CBL: variants seen among roughly 807,000 people sequenced by gnomAD.
The protein encoded by CBL is Cbl proto-oncogene.
A neutral mutation model predicts 96.9 loss-of-function variants in CBL; 45 were observed. The observed-to-expected ratio is 0.46, with a 90% CI of 0.37 to 0.60. The LOEUF (loss-of-function observed/expected upper bound fraction) is 0.60. CBL is among the 20% of genes least tolerant of loss of function. The probability of loss-of-function intolerance (pLI) is 0.00; values close to 1 mark genes in which losing one functional copy is unlikely to be tolerated. For synonymous variants in CBL, 420 were observed against 426.8 expected, an observed-to-expected ratio of 0.98 and a Z score of 0.20; for missense variants, 1,024 against 1,143.5, an observed-to-expected ratio of 0.90 and a Z score of 1.51.
intron 3 of CBL, among the ~76,000 whole-genome samples, chr11:119,273,012 C>G (rs1291710180): frequency 1.3e-5 from 2 of 149,072 alleles, no homozygotes; most frequent in African/African-American, 5.0e-5. Context: ...GGATGTCACT[C>G]TCTTGCCTAG....
chr11:119,221,761 C>T (rs577120355), intron 1 of CBL, among the ~76,000 whole-genome samples: 136 of 146,212 alleles, frequency 9.3e-4, no homozygotes, highest in Non-Finnish European at 1.6e-3. Flanking sequence ...AGAGAGACTC[C>T]GTCTCAAAAA....
intron 12 of CBL, 71 bp from the exon 13 acceptor site, chr11:119,296,847 C>T (rs1345154631): frequency 1.0e-5 from 8 of 785,342 alleles, no homozygotes; most frequent in Non-Finnish European, 1.8e-5. Context: ...TGTTTTTAAG[C>T]CATTTATTTT....
chr11:119,249,488 G>A (rs980630086), intron 2 of CBL, among the ~76,000 whole-genome samples: 2 of 151,282 alleles, frequency 1.3e-5, no homozygotes, highest in Non-Finnish European at 2.9e-5. Flanking sequence ...CCAGGAAGCA[G>A]GGTTCGCAGT....
intron 12 of CBL, among the ~76,000 whole-genome samples, chr11:119,288,257 GT>G (rs1949999642): frequency 6.6e-6 from 1 of 152,106 alleles, no homozygotes; most frequent in African/African-American, 2.4e-5. Flanking sequence ...TTAATTTGCT[GT>G]TTTCCTAGCT....
intron 8 of CBL, 75 bp downstream of exon 8, chr11:119,278,372 A>T (rs1949906258): frequency 1.6e-5 from 25 of 1,572,058 alleles, no homozygotes; most frequent in Non-Finnish European, 2.2e-5. Flanking sequence ...GCCTTTACTG[A>T]TACAAGGGGT....
chr11:119,251,938 C>T (rs937037124), intron 2 of CBL, among the ~76,000 whole-genome samples: 1 of 152,178 alleles, frequency 6.6e-6, no homozygotes, highest in Non-Finnish European at 1.5e-5. Flanking sequence ...GCTACAAGAA[C>T]GTCTTTCCTG....
chr11:119,256,612 A>C (rs1470046411), intron 2 of CBL, among the ~76,000 whole-genome samples: 1 of 151,604 alleles, frequency 6.6e-6, no homozygotes, highest in African/African-American at 2.4e-5. Flanking sequence ...TATATGAATG[A>C]ATTATATAGT....
chr11:119,232,872 ACT>A (rs1157388610), intron 2 of CBL, among the ~76,000 whole-genome samples, 177 bp downstream of exon 2: 4 of 152,156 alleles, frequency 2.6e-5, no homozygotes, highest in Admixed American at 6.5e-5. Context: ...ACTATCCCTA[ACT>A]CTGATTGATT....
At chr11:119,223,414 T>C (rs1332750418) in intron 1 of CBL, among the ~76,000 whole-genome samples, 2 of 150,600 alleles carry the variant, frequency 1.3e-5, no homozygotes, top group East Asian at 3.9e-4. Flanking sequence ...TATGTTATGT[T>C]ATGTTATGTT....
At chr11:119,268,881 A>G (rs952054214) in intron 2 of CBL, among the ~76,000 whole-genome samples, 1 of 152,208 alleles carries the variant, frequency 6.6e-6, no homozygotes, top group Admixed American at 6.5e-5. Flanking sequence ...GATTTTTTCT[A>G]TCATCTCATT....
rs1479433361 is a variant in CBL, at chr11:119,300,474, A to G, written c.*693A>G. The G allele has an allele frequency of 5.0e-6, 2 of 402,360 alleles. No homozygotes were observed. The highest frequency in any genetic ancestry group is 8.8e-6 in the Non-Finnish European group (2 of 228,200). 24.9% of individuals were successfully genotyped at this position (402,360 alleles called of 1,614,324 possible). A position where few individuals can be genotyped will look rare whatever the true frequency, so the allele number is the denominator to read the frequency against. On this transcript the variant is annotated 3_prime_UTR_variant, in exon 16 of 16. Coordinates refer to ENST00000264033, the MANE Select transcript of CBL (RefSeq NM_005188.4). The stretch of plus-strand genomic sequence containing the variant: ...GCTATGGCCAGCCTTACTGAGGCCA[A>G]GCAGCTTATGGGATGTTCTTTATTG...
intron 2 of CBL, among the ~76,000 whole-genome samples, chr11:119,262,227 G>A (rs139755432): frequency 7.2e-4 from 109 of 152,236 alleles, no homozygotes; most frequent in African/African-American, 2.4e-3. Flanking sequence ...CTTGAACAGC[G>A]CTCAGAACTG....
At chr11:119,272,295 G>A (rs775623248) in intron 3 of CBL, among the ~76,000 whole-genome samples, 1 of 152,112 alleles carries the variant, frequency 6.6e-6, no homozygotes, top group Non-Finnish European at 1.5e-5. Context: ...CTAATTTTTT[G>A]CATTTTTAAT....
At chr11:119,249,296 C>T (rs771978884) in intron 2 of CBL, among the ~76,000 whole-genome samples, 15 of 152,152 alleles carry the variant, frequency 9.9e-5, no homozygotes, top group Non-Finnish European at 1.8e-4. Flanking sequence ...AGGTTCATGC[C>T]TGTAATCCCA....
intron 5 of CBL, among the ~76,000 whole-genome samples, chr11:119,275,633 G>A (rs1191698536): frequency 1.3e-5 from 2 of 152,106 alleles, no homozygotes; most frequent in Non-Finnish European, 2.9e-5. Flanking sequence ...GGAGGCCAAG[G>A]TGGGCAGATA....
intron 1 of CBL, among the ~76,000 whole-genome samples, chr11:119,216,042 TG>T (rs1401652069): frequency 6.6e-6 from 1 of 152,190 alleles, no homozygotes; most frequent in Non-Finnish European, 1.5e-5. Flanking sequence ...GCACATCCAC[TG>T]GGGATCCCAG....
chr11:119,252,881 C>G (rs1202461291), intron 2 of CBL, among the ~76,000 whole-genome samples: 4 of 123,426 alleles, frequency 3.2e-5, no homozygotes, highest in Non-Finnish European at 6.7e-5. Flanking sequence ...AACTCCATCT[C>G]AAGAAAAAAA....
Position 119,307,286 on chromosome 11 carries a change from C to G in CBL, c.*7505C>G. ...ATGTTTCACAATTCCCAGGTAAACT[C>G]TGGACCATTCCAAGTGTCCTAGCCT... On this transcript the variant is annotated 3_prime_UTR_variant, in exon 16 of 16. Coordinates refer to ENST00000264033, the MANE Select transcript of CBL (RefSeq NM_005188.4). 1 of 232,940 alleles carries G rather than the reference C, an allele frequency of 4.3e-6. No individual in the cohort carries two copies. The highest frequency in any genetic ancestry group is 8.5e-6 in the Non-Finnish European group (1 of 117,564). 14.4% of individuals were successfully genotyped at this position (232,940 alleles called of 1,614,324 possible). A position where few individuals can be genotyped will look rare whatever the true frequency, so the allele number is the denominator to read the frequency against.
At position 119,257,051 on chromosome 11, in the gene CBL, TC is replaced by T. The variant is rs568428609; in HGVS notation, c.444-14683del. ...ATTAACATATACGTGCAGGTCCTTT[TC>T]ATACAGTGACTTATTTTCCTTTAGG... On this transcript the variant is annotated intron_variant, in intron 2 of 15. Coordinates refer to ENST00000264033, the MANE Select transcript of CBL (RefSeq NM_005188.4). Among the ~76,000 whole-genome samples, 168 of 152,356 alleles carry T rather than the reference TC, an allele frequency of 1.1e-3. 1 individual carries two copies. The highest frequency in any genetic ancestry group is 4.0e-3 in the African/African-American group (165 of 41,576).
Sources: gnomAD v4.1 joint callset for allele counts (sites outside exome capture counted in the v4.1 genomes callset) on GRCh38, gnomAD v4.1.1 for gene constraint, MANE v1.5 for transcripts, NCBI Gene and HGNC (gene_info 2026-07-23, HGNC 2026-07-21) for gene names.